The following PRMT8 variants were observed in gnomAD, a reference collection of about 807,000 sequenced individuals.
PRMT8 encodes the protein protein arginine N-methyltransferase 8.
A neutral mutation model predicts 47.1 loss-of-function variants in PRMT8; 7 were observed. The observed-to-expected ratio is 0.15, with a 90% CI of 0.08 to 0.28. The LOEUF is 0.28. Ranked by LOEUF, PRMT8 falls within the 10% of genes least tolerant of loss-of-function variation. PRMT8 has a pLI of 1.00. For missense variants in PRMT8, 237 were observed against 505.4 expected (o/e 0.47, Z 5.09); for synonymous variants, 188 against 186.5 (o/e 1.01, Z -0.07).
chr12:3,505,326 AC>A (rs1865604650), intron 1 of PRMT8, among the ~76,000 whole-genome samples: 1 of 152,198 alleles, frequency 6.6e-6, no homozygotes, highest in Non-Finnish European at 1.5e-5. Flanking sequence ...CCATGATGTT[AC>A]TCAACACGGT....
intron 4 of PRMT8, among the ~76,000 whole-genome samples, chr12:3,561,587 C>T (rs748020807): frequency 6.6e-6 from 1 of 152,316 alleles, no homozygotes; most frequent in South Asian, 2.1e-4. Context: ...CTACAGGCTG[C>T]TCTACATTAG....
intron 1 of PRMT8, among the ~76,000 whole-genome samples, chr12:3,496,240 T>TTTTTTTTTTTTTTTA (rs1865509485): frequency 9.1e-6 from 1 of 110,348 alleles, no homozygotes; most frequent in African/African-American, 3.5e-5. Flanking sequence ...TTTTTTTTTT[T>TTTTTTTTTTTTTTTA]GAATGTTCTG....
Position 3,465,802 on chromosome 12 carries a change from G to A in PRMT8, c.49-74804G>A, listed in dbSNP as rs536476836. ...GTTTTGGCTTGCTGTCCTGCTAATA[G>A]CATTTGCTGCTTCTCACTCACACTT... On this transcript the variant is annotated intron_variant, in intron 1 of 9. Transcript: ENST00000452611. Among the ~76,000 whole-genome samples the A allele has an allele frequency of 1.4e-4, 22 of 152,324 alleles. No individual in the cohort carries two copies. The South Asian group carries it at 3.1e-3, about 22-fold the overall frequency.
At chr12:3,408,622 T>C (rs1455566695) in intron 1 of PRMT8, among the ~76,000 whole-genome samples, 4 of 152,288 alleles carry the variant, frequency 2.6e-5, no homozygotes, top group African/African-American at 9.6e-5. Flanking sequence ...TTTGATGGTG[T>C]CATTTATTTT....
chr12:3,507,366 C>T (rs2137125502), intron 1 of PRMT8, among the ~76,000 whole-genome samples: 1 of 152,244 alleles, frequency 6.6e-6, no homozygotes, highest in South Asian at 2.1e-4. Flanking sequence ...CGTGATCCGC[C>T]CGCCTCGGCC....
At chr12:3,573,533 T>A (rs538952156) in intron 6 of PRMT8, among the ~76,000 whole-genome samples, 5 of 152,342 alleles carry the variant, frequency 3.3e-5, no homozygotes, top group African/African-American at 1.2e-4. Flanking sequence ...TTCTCATGTG[T>A]CTTATAATTT....
chr12:3,391,283 G>C lies in PRMT8; in HGVS notation c.48+9841G>C, dbSNP rs76667012. ...GAGCAATAAATAGGCAAAACGCACAGTGCATACAACAGAATACATGCTTAG... is the reference window on the plus strand; with the variant it reads ...GAGCAATAAATAGGCAAAACGCACACTGCATACAACAGAATACATGCTTAG... On this transcript the variant is annotated intron_variant, in intron 1 of 9. Transcript: ENST00000452611. Among the ~76,000 whole-genome samples, 748 of 152,348 alleles carry C rather than the reference G, an allele frequency of 4.9e-3. 8 individuals carry two copies. Among genetic ancestry groups the C allele is most frequent in the African/African-American group, 0.017 (717 of 41,578 alleles).
At chr12:3,447,662 C>T (rs1166605959) in intron 1 of PRMT8, among the ~76,000 whole-genome samples, 1 of 150,266 alleles carries the variant, frequency 6.7e-6, no homozygotes, top group Non-Finnish European at 1.5e-5. Context: ...TACCACATGT[C>T]AAGCAAAATC....
chr12:3,589,394 G>T (rs544295768), intron 8 of PRMT8, among the ~76,000 whole-genome samples: 1 of 152,072 alleles, frequency 6.6e-6, no homozygotes, highest in Non-Finnish European at 1.5e-5. Flanking sequence ...AGGTCACATC[G>T]CATGTCAGTG....
rs536681169 is a variant in PRMT8 at position 3,397,983 on chromosome 12, G to A, written c.48+16541G>A. Among the ~76,000 whole-genome samples, 11 of 152,262 alleles carry A rather than the reference G, an allele frequency of 7.2e-5. No homozygotes were observed. The South Asian group carries it at 1.2e-3, about 17-fold the overall frequency. ...GGAGTGGCCTGATTTTCCAGGTGCC[G>A]TCCATCACCCCTTTGACTAGGAAAG... On this transcript the variant is annotated intron_variant, in intron 1 of 9. Coordinates refer to the PRMT8 transcript ENST00000452611.
At chr12:3,427,382 G>A (rs1267065020) in intron 1 of PRMT8, among the ~76,000 whole-genome samples, 4 of 152,076 alleles carry the variant, frequency 2.6e-5, no homozygotes, top group Non-Finnish European at 4.4e-5. Context: ...TTAAAGTTCA[G>A]TTCACAGAAA....
rs955729817 is a variant in PRMT8, at chr12:3,537,405, C to T, written c.76-3201C>T. Among the ~76,000 whole-genome samples, 11 of 152,232 alleles carry T rather than the reference C, an allele frequency of 7.2e-5. No homozygotes were observed. In the East Asian group the frequency reaches 2.1e-3, roughly 29 times the overall value. On this transcript the variant is annotated intron_variant, in intron 1 of 9. Coordinates refer to ENST00000382622, the MANE Select transcript of PRMT8 (RefSeq NM_019854.5). Reference sequence around the variant, plus strand: ...ATTTTTGTATTGGCTTGTAAGAGCTCTCTACGTATTAAGGGCATTAACCTT... The same window carrying T: ...ATTTTTGTATTGGCTTGTAAGAGCTTTCTACGTATTAAGGGCATTAACCTT...
At position 3,576,117 on chromosome 12, in the gene PRMT8, T is replaced by G. The variant is rs1460369631; in HGVS notation, c.713-754T>G. Among the ~76,000 whole-genome samples the G allele has an allele frequency of 6.6e-6, 1 of 152,150 alleles. No individual in the cohort carries two copies. Among genetic ancestry groups the G allele is most frequent in the Non-Finnish European group, 1.5e-5 (1 of 68,024 alleles). On this transcript the variant is annotated intron_variant, in intron 6 of 9. Coordinates refer to ENST00000382622, the MANE Select transcript of PRMT8 (RefSeq NM_019854.5). This position sits in a 1 kb window ranked among gnomAD's most constrained non-coding sequence, Gnocchi z 4.0. Reference sequence around the variant, plus strand: ...AGATCTTTCTCCCTCCCATACAAAGTATCTTATGAGTAGCCCAAAGGGGAC... The same window carrying G: ...AGATCTTTCTCCCTCCCATACAAAGGATCTTATGAGTAGCCCAAAGGGGAC...
At position 3,529,200 on chromosome 12, in the gene PRMT8, A is replaced by G. The variant is rs182016102; in HGVS notation, c.76-11406A>G. ...AGATTCCCACCTTCAACTGAGAGAG[A>G]TTACTGGGTCTGCCTGGGTTCCTGT... On this transcript the variant is annotated intron_variant, in intron 1 of 9. Transcript: ENST00000382622. Among the ~76,000 whole-genome samples the G allele has an allele frequency of 7.2e-5, 11 of 152,224 alleles. No individual in the cohort carries two copies. In the South Asian group the frequency reaches 1.0e-3, roughly 14 times the overall value.
chr12:3,507,857 C>T (rs1865654864), intron 1 of PRMT8, among the ~76,000 whole-genome samples: 1 of 150,286 alleles, frequency 6.7e-6, no homozygotes, highest in South Asian at 2.1e-4. Flanking sequence ...CTCCCGGGTT[C>T]ATGCAGTTCC....
intron 2 of PRMT8, among the ~76,000 whole-genome samples, chr12:3,545,642 G>A (rs1248064542): frequency 6.6e-6 from 1 of 152,164 alleles, no homozygotes; most frequent in East Asian, 1.9e-4. Context: ...GGGAAATGTA[G>A]CACCACCTGG....
At chr12:3,513,768 A>G (rs1313872253) in intron 1 of PRMT8, among the ~76,000 whole-genome samples, 1 of 152,190 alleles carries the variant, frequency 6.6e-6, no homozygotes, top group Non-Finnish European at 1.5e-5. Context: ...GAGCCAGAAT[A>G]TGGGTATAGA....
chr12:3,554,276 C>T (rs1016224803), intron 4 of PRMT8, among the ~76,000 whole-genome samples: 32 of 152,262 alleles, frequency 2.1e-4, no homozygotes, highest in African/African-American at 6.7e-4. Flanking sequence ...CCATGGACAG[C>T]GACATTTCCC....
At chr12:3,574,755 A>G (rs1465573105) in intron 6 of PRMT8, among the ~76,000 whole-genome samples, 1 of 152,246 alleles carries the variant, frequency 6.6e-6, no homozygotes, top group Non-Finnish European at 1.5e-5. Context: ...ATTACACAGC[A>G]AATACGTGGC....
Sources: gnomAD v4.1 joint callset for allele counts (sites outside exome capture counted in the v4.1 genomes callset) on GRCh38, gnomAD v4.1.1 for gene constraint, Gnocchi (gnomAD v3.1) non-coding constraint, MANE v1.5 for transcripts, NCBI Gene and HGNC (gene_info 2026-07-23, HGNC 2026-07-21) for gene names.